MPDZ: variants seen among roughly 807,000 people sequenced by gnomAD.
MPDZ encodes multiple PDZ domain protein.
Under a neutral mutation model 239.1 loss-of-function variants are expected in MPDZ, and 234 were observed. The ratio of observed to expected loss-of-function variants is 0.98; its 90% CI spans 0.88 to 1.09. The LOEUF (loss-of-function observed/expected upper bound fraction) is 1.09. Ranked by LOEUF, MPDZ falls within the 50% of genes least tolerant of loss-of-function variation. The pLI, the probability that MPDZ is intolerant of heterozygous loss-of-function variation, is 0.00. For missense variants in MPDZ, 3,175 were observed against 2,510.0 expected (o/e 1.26, Z -5.66); for synonymous variants, 1,048 against 881.3 (o/e 1.19, Z -3.35).
At chr9:13,195,851 T>C (rs1188845465) in intron 13 of MPDZ, among the ~76,000 whole-genome samples, 1 of 152,212 alleles carries the variant, frequency 6.6e-6, no homozygotes, top group Non-Finnish European at 1.5e-5. Context: ...TCCTTGTGTC[T>C]ATATTATTCA....
Position 13,204,940 on chromosome 9 carries a change from T to C in MPDZ, c.1546+96A>G, listed in dbSNP as rs920752882. ...CTTTTTGAAATTTTTTTTAGTAACTTACAATATATCCATAGAGGCTTAATC... is the reference window on the plus strand; with the variant it reads ...CTTTTTGAAATTTTTTTTAGTAACTCACAATATATCCATAGAGGCTTAATC... On this transcript the variant is annotated intron_variant, in intron 12 of 46. Coordinates refer to ENST00000319217, the MANE Select transcript of MPDZ (RefSeq NM_001378778.1). The C allele has an allele frequency of 1.0e-5, 8 of 778,058 alleles. No individual in the cohort carries two copies. In the African/African-American group the frequency reaches 1.5e-4, roughly 14 times the overall value. The allele number at this position is 778,058 out of a possible 1,614,324, so 48.2% of individuals were successfully genotyped here.
chr9:13,237,122 C>T (rs948094336), intron 3 of MPDZ, among the ~76,000 whole-genome samples: 5 of 151,922 alleles, frequency 3.3e-5, no homozygotes, highest in African/African-American at 1.2e-4. Flanking sequence ...CCCTCAAGAA[C>T]ATGTGTTTTT....
At position 13,121,946 on chromosome 9, in the gene MPDZ, G is replaced by A. The variant is rs538453335; in HGVS notation, c.5038-14C>T. The A allele has an allele frequency of 6.2e-7, 1 of 1,610,608 alleles. No individual in the cohort carries two copies. Among genetic ancestry groups the A allele is most frequent in the East Asian group, 2.2e-5 (1 of 44,826 alleles). Reference sequence around the variant, plus strand: ...AATTCCATTCACCTGTACAGAAATGGGACACTGACTGTAAGGAACATGAGA... The same window carrying A: ...AATTCCATTCACCTGTACAGAAATGAGACACTGACTGTAAGGAACATGAGA... On this transcript the variant is annotated splice_polypyrimidine_tract_variant and intron_variant, in intron 37 of 46. Transcript: ENST00000319217.
At chr9:13,134,173 G>T (rs959180422) in intron 31 of MPDZ, 1 of 169,418 alleles carries the variant, frequency 5.9e-6, no homozygotes, top group Non-Finnish European at 1.2e-5. Context: ...TGAGAGCACA[G>T]ATAGACCAAG....
intron 42 of MPDZ, 100 bp downstream of exon 42, chr9:13,112,911 A>G: frequency 8.8e-7 from 1 of 1,136,552 alleles, no homozygotes; most frequent in South Asian, 1.4e-5. Context: ...ATACTTTTTG[A>G]GATGAATACT....
chr9:13,173,972 G>C (rs1952132933), intron 21 of MPDZ, among the ~76,000 whole-genome samples: 1 of 152,068 alleles, frequency 6.6e-6, no homozygotes, highest in Non-Finnish European at 1.5e-5. Flanking sequence ...CCTTCCTTTA[G>C]TTCCAACTCT....
chr9:13,236,213 G>A (rs1312354368), intron 3 of MPDZ, among the ~76,000 whole-genome samples: 26 of 104,166 alleles, frequency 2.5e-4, no homozygotes, highest in Non-Finnish European at 4.4e-4. Context: ...GTGTGTGTGT[G>A]TGTGTGTGTG....
intron 1 of MPDZ, among the ~76,000 whole-genome samples, chr9:13,278,773 C>T (rs1377068926): frequency 6.6e-6 from 1 of 152,090 alleles, no homozygotes; most frequent in Non-Finnish European, 1.5e-5. Context: ...AGCGGCTCGC[C>T]TCGGGGTCCC....
intron 28 of MPDZ, among the ~76,000 whole-genome samples, chr9:13,139,068 C>T (rs1470036876): frequency 2.0e-5 from 3 of 152,120 alleles, no homozygotes; most frequent in African/African-American, 4.8e-5. Flanking sequence ...GAACAGACTG[C>T]GAAAACTACA....
At position 13,190,166 on chromosome 9, in the gene MPDZ, A is replaced by G. The variant is rs1489383330; in HGVS notation, c.2102T>C (p.Ile701Thr). Residue 701 changes from isoleucine (I) to threonine (T), a missense_variant, in exon 16 of 47, where the codon ATA becomes ACA. By Grantham distance (89) the Ile-to-Thr change is moderately conservative. Transcript: ENST00000319217. Reference sequence around the variant, plus strand: ...TCCTTTGCTCCCTTTCTCCAGCTCTATGTGCTGAATGCCAGCCTCCCACAT... The same window carrying G: ...TCCTTTGCTCCCTTTCTCCAGCTCTGTGTGCTGAATGCCAGCCTCCCACAT... ...LAMWEAGIQH[I>T]ELEKGSKGLG... 17 of 1,613,158 alleles carry G rather than the reference A, an allele frequency of 1.1e-5. No homozygotes were observed. The highest frequency in any genetic ancestry group is 1.4e-5 in the Non-Finnish European group (17 of 1,179,536).
chr9:13,152,481 C>T (rs1025405330), intron 24 of MPDZ, among the ~76,000 whole-genome samples: 1 of 152,086 alleles, frequency 6.6e-6, no homozygotes, highest in African/African-American at 2.4e-5. Context: ...TTTCCCAGTA[C>T]AAGCTCTCTT....
At chr9:13,141,295 A>G (rs1947634154) in intron 27 of MPDZ, among the ~76,000 whole-genome samples, 1 of 152,182 alleles carries the variant, frequency 6.6e-6, no homozygotes, top group Non-Finnish European at 1.5e-5. Flanking sequence ...TTGGAACCTG[A>G]GGCTACAAGA....
intron 30 of MPDZ, 37 bp downstream of exon 30, chr9:13,136,675 A>C: frequency 7.6e-7 from 1 of 1,311,848 alleles, no homozygotes; most frequent in Non-Finnish European, 1.1e-6. Context: ...AATGCTAACA[A>C]AAAGTATTTG....
intron 39 of MPDZ, among the ~76,000 whole-genome samples, chr9:13,118,746 C>T (rs1005334179): frequency 3.3e-5 from 5 of 152,206 alleles, no homozygotes; most frequent in Non-Finnish European, 7.3e-5. Context: ...TGTCAAATGA[C>T]TTTTCTGTGC....
chr9:13,124,781 T>C (rs1944879875), intron 35 of MPDZ, among the ~76,000 whole-genome samples: 1 of 152,164 alleles, frequency 6.6e-6, no homozygotes, highest in Admixed American at 6.5e-5. Context: ...GATAATTGCA[T>C]ATCCATTCTA....
chr9:13,206,404 G>A (rs1292163238), intron 10 of MPDZ, among the ~76,000 whole-genome samples: 1 of 151,102 alleles, frequency 6.6e-6, no homozygotes, highest in African/African-American at 2.4e-5. Flanking sequence ...TTCCCTTTTT[G>A]TTGAGACAGG....
intron 5 of MPDZ, 92 bp downstream of exon 5, chr9:13,223,479 C>A: frequency 7.2e-7 from 1 of 1,382,962 alleles, no homozygotes; most frequent in East Asian, 2.5e-5. Context: ...TTTTTTGTTG[C>A]CATTCATTAT....
At chr9:13,132,565 G>A (rs775348267) in intron 32 of MPDZ, among the ~76,000 whole-genome samples, 1 of 152,102 alleles carries the variant, frequency 6.6e-6, no homozygotes, top group Non-Finnish European at 1.5e-5. Context: ...ATCAGTGACA[G>A]GTAGCCATCA....
chr9:13,130,351 G>C (rs1945790183), intron 32 of MPDZ, among the ~76,000 whole-genome samples: 1 of 152,082 alleles, frequency 6.6e-6, no homozygotes, highest in Non-Finnish European at 1.5e-5. Flanking sequence ...CCCACTTTTA[G>C]ACAATGCAAA....
Sources: gnomAD v4.1 joint callset for allele counts (sites outside exome capture counted in the v4.1 genomes callset) on GRCh38, gnomAD v4.1.1 for gene constraint, MANE v1.5 for transcripts, NCBI Gene and HGNC (gene_info 2026-07-23, HGNC 2026-07-21) for gene names.